Variants in NEK1 observed in about 807,000 individuals in gnomAD.
NEK1 encodes NIMA related kinase 1, also known as serine/threonine-protein kinase Nek1.
NEK1 carries 137 observed loss-of-function variants against 182.1 expected under a neutral mutation model. The ratio of observed to expected loss-of-function variants is 0.75; its 90% CI spans 0.65 to 0.87. The LOEUF is 0.87. Ranked by LOEUF, NEK1 falls within the 40% of genes least tolerant of loss-of-function variation. The pLI is 0.00. For missense variants in NEK1, 1,391 were observed against 1,494.4 expected (o/e 0.93, Z 1.14); for synonymous variants, 513 against 492.2 (o/e 1.04, Z -0.56).
At chr4:169,468,050 C>T (rs1176101931) in intron 26 of NEK1, among the ~76,000 whole-genome samples, 1 of 151,960 alleles carries the variant, frequency 6.6e-6, no homozygotes, top group Non-Finnish European at 1.5e-5. Context: ...GTAGGAGTGA[C>T]TATATCAATA....
At position 169,479,456 on chromosome 4, in the gene NEK1, G is replaced by C. The variant is rs759731193; in HGVS notation, c.2086C>G (p.Gln696Glu). 6.2e-7 allele frequency: 1 copy of C among 1,612,018 alleles called. No individual in the cohort carries two copies. Among genetic ancestry groups the C allele is most frequent in the South Asian group, 1.1e-5 (1 of 90,444 alleles). Residue 696 changes from glutamine to glutamate, a missense_variant, in exon 24 of 36, where the codon CAA becomes GAA. Around this residue, in one of 5 missense-constraint regions of NEK1, gnomAD observed 1,216 missense variants for 1,277.6 expected, o/e 0.95. Coordinates refer to ENST00000507142, the MANE Select transcript of NEK1 (RefSeq NM_001199397.3). ...QHETGGSPSKQQMRSVISVTS... is the reference protein window; with the variant it reads ...QHETGGSPSKEQMRSVISVTS... ...ACAGAAATAACAGATCTCATCTGTT[G>C]CTTTGATGGAGAGCCACCTGTTTCA...
At chr4:169,499,101 T>C (rs1182569377) in intron 23 of NEK1, among the ~76,000 whole-genome samples, 1 of 152,216 alleles carries the variant, frequency 6.6e-6, no homozygotes, top group Non-Finnish European at 1.5e-5. Flanking sequence ...GCTTTGTTTG[T>C]TTCTTTTTAT....
intron 2 of NEK1, among the ~76,000 whole-genome samples, chr4:169,606,753 T>C (rs1771409239): frequency 6.6e-6 from 1 of 152,238 alleles, no homozygotes; most frequent in African/African-American, 2.4e-5. Flanking sequence ...CGTGAGACTC[T>C]CTTTCAACCA....
chr4:169,409,631 G>A (rs1254535812), intron 31 of NEK1, among the ~76,000 whole-genome samples: 3 of 152,102 alleles, frequency 2.0e-5, no homozygotes, highest in African/African-American at 4.8e-5. Flanking sequence ...CTGCCAGTGT[G>A]GTGGCATGCG....
rs140065024 is a variant in NEK1 at position 169,400,662 on chromosome 4, A to G, written c.3584-11T>C. The G allele has an allele frequency of 2.1e-5, 32 of 1,550,150 alleles. No individual in the cohort carries two copies. In the East Asian group the frequency reaches 3.3e-4, roughly 16 times the overall value. ...CACCATCACTGTTATCTAAAAAACAAAATTAAAATAGAGATTTGATTTAAA... is the reference window on the plus strand; with the variant it reads ...CACCATCACTGTTATCTAAAAAACAGAATTAAAATAGAGATTTGATTTAAA... On this transcript the variant is annotated splice_polypyrimidine_tract_variant and intron_variant, in intron 33 of 35. Transcript: ENST00000507142.
chr4:169,426,164 G>C lies in NEK1; in HGVS notation c.2956C>G (p.Leu986Val). 6.2e-7 allele frequency: 1 copy of C among 1,613,422 alleles called. No individual in the cohort carries two copies. The change falls in exon 30 of 36, where the codon CTT becomes GTT. Residue 986 changes from leucine to valine, a missense_variant. Coordinates refer to ENST00000507142, the MANE Select transcript of NEK1 (RefSeq NM_001199397.3). ...EDGVSSTVDQ[L>V]SDIHIEPGTN... is the part of the protein sequence containing the mutation. ...TGCTTACCTATATGAATGTCACTAA[G>C]TTGGTCCACAGTACTCGAGACTCCA...
At chr4:169,448,905 A>G (rs35845927) in intron 27 of NEK1, among the ~76,000 whole-genome samples, 6,276 of 152,312 alleles carry the variant, frequency 0.041, 169 homozygotes, top group African/African-American at 0.063. Flanking sequence ...TTCCTAGCCA[A>G]GGGAAGCCGT....
rs114468092 is a variant in NEK1, at chr4:169,429,140, G to C, written c.2886-2906C>G. Among the ~76,000 whole-genome samples, 1,079 of 152,238 alleles carry C rather than the reference G, an allele frequency of 7.1e-3. 11 individuals are homozygous for C. The highest frequency in any genetic ancestry group is 0.025 in the African/African-American group (1,040 of 41,560). ...ATATATGGATTCCACAGAACCCACT[G>C]TGGGACTTGAGTATATGTAGATTTT... is the stretch of plus-strand genomic sequence containing the variant. On this transcript the variant is annotated intron_variant, in intron 29 of 35. Transcript: ENST00000507142.
chr4:169,505,917 C>A (rs1753177452), intron 23 of NEK1, among the ~76,000 whole-genome samples: 1 of 151,222 alleles, frequency 6.6e-6, no homozygotes. Context: ...ATAAGAAATA[C>A]AACAGATAAG....
intron 5 of NEK1, among the ~76,000 whole-genome samples, chr4:169,598,467 G>A (rs533717652): frequency 1.3e-5 from 2 of 152,048 alleles, no homozygotes; most frequent in East Asian, 1.9e-4. Context: ...AAAAGGTAGA[G>A]TATTAATAAC....
chr4:169,582,135 G>A (rs981857549), intron 10 of NEK1, among the ~76,000 whole-genome samples: 32 of 151,774 alleles, frequency 2.1e-4, no homozygotes, highest in African/African-American at 6.8e-4. Context: ...CTTACTTTGT[G>A]GGGAAGGCAA....
At chr4:169,478,591 T>C (rs536357518) in intron 24 of NEK1, among the ~76,000 whole-genome samples, 1 of 152,252 alleles carries the variant, frequency 6.6e-6, no homozygotes, top group African/African-American at 2.4e-5. Context: ...CTGAGTTTTA[T>C]TTTCAAAATC....
At chr4:169,480,297 A>T (rs1444087873) in intron 23 of NEK1, among the ~76,000 whole-genome samples, 1 of 152,040 alleles carries the variant, frequency 6.6e-6, no homozygotes, top group African/African-American at 2.4e-5. Flanking sequence ...CTAGACCTTC[A>T]CTTTACAACA....
At chr4:169,396,365 CAAAAAAAAAAAAAAAAAAAAA>C in intron 35 of NEK1, among the ~76,000 whole-genome samples, 1 of 38,042 alleles carries the variant, frequency 2.6e-5, no homozygotes, top group Non-Finnish European at 4.5e-5. Flanking sequence ...GACTCCATCT[CAAAAAAAAAAAAAAAAAAAAA>C]AAAAAAAAAA....
At chr4:169,597,649 TCC>T (rs1769751327) in intron 5 of NEK1, among the ~76,000 whole-genome samples, 1 of 150,786 alleles carries the variant, frequency 6.6e-6, no homozygotes, top group African/African-American at 2.4e-5. Context: ...AATAATAATA[TCC>T]CAGCCAGGCG....
rs369081861 is a variant in NEK1, at chr4:169,555,938, G to C, written c.1424C>G (p.Pro475Arg). The change falls in exon 17 of 36, where the codon CCA (proline) becomes CGA (arginine). Residue 475 changes from proline to arginine, a missense_variant. Pro to Arg is a moderately radical substitution (Grantham distance 103). Coordinates refer to ENST00000507142, the MANE Select transcript of NEK1 (RefSeq NM_001199397.3). ...WKREIYGRGL[P>R]ERGILPGVRP... Reference sequence around the variant, plus strand: ...CTGCAGAACATAGCCATACCTTTCTGGAAGACCTCGACCATATATTTCTCT... The same window carrying C: ...CTGCAGAACATAGCCATACCTTTCTCGAAGACCTCGACCATATATTTCTCT... 7.9e-4 allele frequency: 1,277 copies of C among 1,613,388 alleles called. 24 individuals are homozygous for C. The South Asian group carries it at 0.013, about 17-fold the overall frequency.
intron 30 of NEK1, among the ~76,000 whole-genome samples, chr4:169,425,587 A>G (rs190874922): frequency 1.3e-5 from 2 of 152,210 alleles, no homozygotes; most frequent in Admixed American, 6.5e-5. Flanking sequence ...GTCTTGGTCT[A>G]TTGCCCAGGC....
intron 26 of NEK1, among the ~76,000 whole-genome samples, chr4:169,476,007 A>G (rs1307538349): frequency 6.6e-6 from 1 of 152,168 alleles, no homozygotes; most frequent in Non-Finnish European, 1.5e-5. Context: ...AGGAGGAGGC[A>G]TGGAAAAAAT....
At chr4:169,478,453 A>G (rs968738122) in intron 24 of NEK1, 1 of 152,086 alleles carries the variant, frequency 6.6e-6, no homozygotes, top group Non-Finnish European at 1.5e-5. Flanking sequence ...AGTGGTATCT[A>G]AAGTTGGAGT....
Sources: allele counts gnomAD v4.1 joint callset (sites outside exome capture counted in the v4.1 genomes callset), GRCh38; gene constraint gnomAD v4.1.1; regional missense constraint gnomAD v4.1.1; transcripts MANE v1.5; gene names NCBI Gene and HGNC (gene_info 2026-07-23, HGNC 2026-07-21).